Variants in ADCY1 observed in about 807,000 individuals in gnomAD.
The protein encoded by ADCY1 is adenylate cyclase type 1.
A neutral mutation model predicts 105.4 loss-of-function variants in ADCY1; 28 were observed. That is an observed-to-expected ratio of 0.27 (90% CI 0.20 to 0.36). The LOEUF is 0.36. Among genes scored for constraint, ADCY1 ranks in the 10% least tolerant of loss-of-function variants. The probability of loss-of-function intolerance (pLI) is 1.00; values close to 1 mark genes in which losing one functional copy is unlikely to be tolerated. For synonymous variants in ADCY1, 655 were observed against 623.8 expected (o/e 1.05, Z -0.75); for missense variants, 977 against 1,434.2 (o/e 0.68, Z 5.15).
At chr7:45,611,307 C>T (rs1311542276) in intron 3 of ADCY1, among the ~76,000 whole-genome samples, 2 of 151,832 alleles carry the variant, frequency 1.3e-5, no homozygotes, top group Admixed American at 1.3e-4. Flanking sequence ...GTGTAGGGGG[C>T]TCTTGGCTTC....
chr7:45,710,420 G>A lies in ADCY1; in HGVS notation c.2933-108G>A, dbSNP rs1785203346. 2.0e-6 allele frequency: 3 copies of A among 1,495,964 alleles called. No homozygotes were observed. Among genetic ancestry groups the A allele is most frequent in the Non-Finnish European group, 2.7e-6 (3 of 1,107,666 alleles). The allele number at this position is 1,495,964 out of a possible 1,614,324, so 92.7% of individuals were successfully genotyped here. A position where few individuals can be genotyped will look rare whatever the true frequency, so the allele number is the denominator to read the frequency against. ...ACCCCAGGAAACAAAGCCCTGAAAG[G>A]AGCAGCCTTTTCTCCACCAGGAGCA... On this transcript the variant is annotated intron_variant, in intron 18 of 19. Transcript: ENST00000297323. The surrounding 1 kb of genome is among the most constrained non-coding windows in gnomAD (Gnocchi z 4.7).
chr7:45,718,868 T>G lies in ADCY1; in HGVS notation c.*4873T>G, dbSNP rs1785410041. 1 of 152,878 alleles carries G rather than the reference T, an allele frequency of 6.5e-6. No individual in the cohort carries two copies. 9.5% of individuals were successfully genotyped at this position (152,878 alleles called of 1,614,324 possible). On this transcript the variant is annotated 3_prime_UTR_variant, in exon 20 of 20. Transcript: ENST00000297323. ...CCAGGATGGAGCCCAGGGTAGACTTTGAGGAAGGCTCAGTGGGCTCAGCAG... is the reference window on the plus strand; with the variant it reads ...CCAGGATGGAGCCCAGGGTAGACTTGGAGGAAGGCTCAGTGGGCTCAGCAG...
chr7:45,595,874 A>G (rs1432522310), intron 2 of ADCY1, among the ~76,000 whole-genome samples: 1 of 152,216 alleles, frequency 6.6e-6, no homozygotes, highest in Non-Finnish European at 1.5e-5. Flanking sequence ...TTGAGCCTAC[A>G]GGGTTGTATC....
intron 8 of ADCY1, among the ~76,000 whole-genome samples, chr7:45,672,386 T>C (rs563794182): frequency 3.8e-4 from 58 of 152,284 alleles, no homozygotes; most frequent in Admixed American, 7.2e-4. Context: ...CTTCTTACTT[T>C]ATTGTTTTAA....
intron 4 of ADCY1, among the ~76,000 whole-genome samples, chr7:45,639,966 C>T (rs1168685212): frequency 1.3e-5 from 2 of 152,178 alleles, no homozygotes; most frequent in African/African-American, 2.4e-5. Flanking sequence ...GGACCCAACA[C>T]AGAGGAGTAG....
At chr7:45,605,597 T>A (rs554453989) in intron 2 of ADCY1, among the ~76,000 whole-genome samples, 1 of 152,198 alleles carries the variant, frequency 6.6e-6, no homozygotes, top group Non-Finnish European at 1.5e-5. Flanking sequence ...CATGGTGTGT[T>A]GCACTGATTG....
At chr7:45,586,200 T>C (rs542404761) in intron 1 of ADCY1, among the ~76,000 whole-genome samples, 103 of 152,136 alleles carry the variant, frequency 6.8e-4, no homozygotes, top group Middle Eastern at 3.4e-3. Context: ...CTGGGCTGTC[T>C]TGGAGAGGGG....
At chr7:45,665,210 G>C (rs1412919153) in intron 8 of ADCY1, among the ~76,000 whole-genome samples, 2 of 152,176 alleles carry the variant, frequency 1.3e-5, no homozygotes, top group Non-Finnish European at 2.9e-5. Flanking sequence ...TTGATATTTA[G>C]GTTATTTCTG....
intron 4 of ADCY1, among the ~76,000 whole-genome samples, chr7:45,644,366 A>G (rs1214975770): frequency 2.0e-5 from 3 of 152,088 alleles, no homozygotes; most frequent in African/African-American, 7.2e-5. Flanking sequence ...GGGCAGGGTC[A>G]GAGTGCACTG....
At chr7:45,677,612 A>C (rs1157954848) in intron 8 of ADCY1, among the ~76,000 whole-genome samples, 1 of 152,146 alleles carries the variant, frequency 6.6e-6, no homozygotes, top group Non-Finnish European at 1.5e-5. Flanking sequence ...AACGTGTTTA[A>C]TCACCTAATC....
rs2471268 is a variant in ADCY1 at position 45,714,595 on chromosome 7, C to G, written c.*600C>G. 149,840 of 152,894 alleles carry G rather than the reference C, an allele frequency of 0.98. 73,479 individuals carry two copies. Among genetic ancestry groups the G allele is most frequent in the East Asian group, 1 (5,160 of 5,160 alleles). The allele number at this position is 152,894 out of a possible 1,614,324, so 9.5% of individuals were successfully genotyped here. A position where few individuals can be genotyped will look rare whatever the true frequency, so the allele number is the denominator to read the frequency against. On this transcript the variant is annotated 3_prime_UTR_variant, in exon 20 of 20. Transcript: ENST00000297323. ...AGAGCTGTCCACTCTTGAACTGGAC[C>G]GTCTGGGGAGAATTGAGAAGCTGCC...
Position 45,703,930 on chromosome 7 carries a change from G to T in ADCY1, c.2718+184G>T, listed in dbSNP as rs1785052618. Reference sequence around the variant, plus strand: ...ACCAACCATGACAGGAGAGAAGGGGGTCTTGACTCTAGGTTGGGGGACCAG... The same window carrying T: ...ACCAACCATGACAGGAGAGAAGGGGTTCTTGACTCTAGGTTGGGGGACCAG... On this transcript the variant is annotated intron_variant, in intron 16 of 19. Coordinates refer to ENST00000297323, the MANE Select transcript of ADCY1 (RefSeq NM_021116.4). The surrounding 1 kb of genome is among the most constrained non-coding windows in gnomAD (Gnocchi z 5.9). Among the ~76,000 whole-genome samples the T allele has an allele frequency of 6.6e-6, 1 of 152,222 alleles. No individual in the cohort carries two copies. Among genetic ancestry groups the T allele is most frequent in the Admixed American group, 6.5e-5 (1 of 15,288 alleles).
At chr7:45,610,855 GTT>G (rs1584268488) in intron 3 of ADCY1, among the ~76,000 whole-genome samples, 2 of 35,870 alleles carry the variant, frequency 5.6e-5, no homozygotes, top group East Asian at 8.8e-4. Context: ...CGATATTGGA[GTT>G]GTGGAGATGA....
rs538567411 is a variant in ADCY1, at chr7:45,591,560, A to G, written c.640-1199A>G. ...TCTGCTCCCTGGGAGACAGGTAGAAATGCCTGGGCTTAATCAGACATAGAA... is the reference window on the plus strand; with the variant it reads ...TCTGCTCCCTGGGAGACAGGTAGAAGTGCCTGGGCTTAATCAGACATAGAA... On this transcript the variant is annotated intron_variant, in intron 1 of 19. Coordinates refer to ENST00000297323, the MANE Select transcript of ADCY1 (RefSeq NM_021116.4). This position sits in a 1 kb window ranked among gnomAD's most constrained non-coding sequence, Gnocchi z 4.1. Among the ~76,000 whole-genome samples the G allele has an allele frequency of 5.9e-5, 9 of 152,348 alleles. No homozygotes were observed. The East Asian group carries it at 1.5e-3, about 26-fold the overall frequency.
intron 4 of ADCY1, among the ~76,000 whole-genome samples, chr7:45,636,713 A>G (rs1434925654): frequency 6.6e-6 from 1 of 151,960 alleles, no homozygotes; most frequent in East Asian, 1.9e-4. Flanking sequence ...GCTAATTTTT[A>G]TATTTTTAGT....
upstream of ADCY1, among the ~76,000 whole-genome samples, chr7:45,574,360 C>G (rs1218249092): frequency 5.2e-5 from 7 of 134,774 alleles, no homozygotes; most frequent in African/African-American, 1.8e-4. The surrounding 1 kb of genome is among the most constrained non-coding windows in gnomAD (Gnocchi z 7.0). Flanking sequence ...GCGCGGCGGG[C>G]GGGAGGGGAC....
intron 8 of ADCY1, among the ~76,000 whole-genome samples, chr7:45,663,677 G>A (rs1346312920): frequency 1.3e-5 from 2 of 152,120 alleles, no homozygotes; most frequent in Non-Finnish European, 2.9e-5. Flanking sequence ...AAATTAGCCG[G>A]GCGTGGTGGC....
chr7:45,655,936 C>T (rs147147467), intron 5 of ADCY1, among the ~76,000 whole-genome samples: 49 of 152,030 alleles, frequency 3.2e-4, no homozygotes, highest in East Asian at 1.5e-3. Flanking sequence ...TTTATTTCAG[C>T]GTTTGGTTTC....
Position 45,670,462 on chromosome 7 carries a change from C to G in ADCY1, c.1606-7407C>G, listed in dbSNP as rs115459706. ...TGAGGGTGGACCAATGTCTATTACT[C>G]CTGACTTGAGGGAGGATCCATGTCC... is the stretch of plus-strand genomic sequence containing the variant. On this transcript the variant is annotated intron_variant, in intron 8 of 19. Coordinates refer to ENST00000297323, the MANE Select transcript of ADCY1 (RefSeq NM_021116.4). 5.0e-3 allele frequency among the ~76,000 whole-genome samples: 754 copies of G among 152,282 alleles called. 5 individuals carry two copies. The highest frequency in any genetic ancestry group is 0.017 in the African/African-American group (719 of 41,550).
Sources: gnomAD v4.1 joint callset for allele counts (sites outside exome capture counted in the v4.1 genomes callset) on GRCh38, gnomAD v4.1.1 for gene constraint, Gnocchi (gnomAD v3.1) non-coding constraint, MANE v1.5 for transcripts, NCBI Gene and HGNC (gene_info 2026-07-23, HGNC 2026-07-21) for gene names.